Variants in TMOD2 observed in about 807,000 individuals in gnomAD.
TMOD2 encodes the protein tropomodulin-2.
In TMOD2, 22 loss-of-function variants were observed where a neutral mutation model predicts 39.9. The observed-to-expected ratio is 0.55, with a 90% CI of 0.39 to 0.79. The LOEUF (loss-of-function observed/expected upper bound fraction) is 0.79, where lower values mean the gene tolerates loss of function less well. TMOD2 is among the 30% of genes least tolerant of loss of function. TMOD2 has a pLI of 0.00. For missense variants in TMOD2, 386 were observed against 413.3 expected, an observed-to-expected ratio of 0.93 and a Z score of 0.57; for synonymous variants, 123 against 146.1, an observed-to-expected ratio of 0.84 and a Z score of 1.14.
chr15:51,775,491 T>C (rs910019005), intron 4 of TMOD2, among the ~76,000 whole-genome samples: 1 of 151,700 alleles, frequency 6.6e-6, no homozygotes, highest in African/African-American at 2.4e-5. Context: ...GTTTGTTGTA[T>C]GGCCTCAGTG....
chr15:51,769,663 A>G (rs1277927410), intron 3 of TMOD2, among the ~76,000 whole-genome samples: 1 of 152,230 alleles, frequency 6.6e-6, no homozygotes, highest in Non-Finnish European at 1.5e-5. Flanking sequence ...CCCCAGCTAT[A>G]GACAGTGACT....
At chr15:51,763,704 G>A (rs746401523) in intron 1 of TMOD2, among the ~76,000 whole-genome samples, 18 of 152,046 alleles carry the variant, frequency 1.2e-4, no homozygotes, top group Non-Finnish European at 2.5e-4. Flanking sequence ...GTTGTCCCTG[G>A]GATTTCCTTC....
rs1037265486 is a variant in TMOD2 at position 51,811,001 on chromosome 15, T to C, written c.*2547T>C. ...AAAATATAGCACTGTTTTTACCTTA[T>C]GAAATAGTTGGGTTGCATGCAACAG... is the stretch of plus-strand genomic sequence containing the variant. On this transcript the variant is annotated 3_prime_UTR_variant, in exon 10 of 10. Transcript: ENST00000249700. 1.3e-5 allele frequency: 2 copies of C among 152,224 alleles called. No individual in the cohort carries two copies. The highest frequency in any genetic ancestry group is 2.4e-5 in the African/African-American group (1 of 41,460). The allele number at this position is 152,224 out of a possible 1,614,324, so 9.4% of individuals were successfully genotyped here. A position where few individuals can be genotyped will look rare whatever the true frequency, so the allele number is the denominator to read the frequency against.
intron 7 of TMOD2, among the ~76,000 whole-genome samples, chr15:51,785,975 T>A (rs940513474): frequency 6.6e-6 from 1 of 152,178 alleles, no homozygotes; most frequent in African/African-American, 2.4e-5. Flanking sequence ...TAAACATTTT[T>A]AATTTATTTG....
At chr15:51,770,675 C>T (rs1045691022) in intron 3 of TMOD2, among the ~76,000 whole-genome samples, 3 of 152,110 alleles carry the variant, frequency 2.0e-5, no homozygotes, top group African/African-American at 7.2e-5. Context: ...TGCAATGGCT[C>T]ACACCTGTAA....
intron 1 of TMOD2, among the ~76,000 whole-genome samples, chr15:51,757,703 G>A (rs1368827671): frequency 2.6e-5 from 4 of 152,174 alleles, no homozygotes; most frequent in East Asian, 1.9e-4. Flanking sequence ...AACTTCCCAC[G>A]GCAGCATTGC....
At chr15:51,775,761 A>G (rs1470189066) in intron 4 of TMOD2, among the ~76,000 whole-genome samples, 1 of 151,688 alleles carries the variant, frequency 6.6e-6, no homozygotes, top group African/African-American at 2.4e-5. Context: ...TATTTTTTGT[A>G]GAGACGGGGC....
In TMOD2 at chr15:51,812,677, G is replaced by A. The variant is rs750647121; in HGVS notation, c.*4223G>A. 2.0e-5 allele frequency: 3 copies of A among 152,154 alleles called. No homozygotes were observed. The highest frequency in any genetic ancestry group is 6.5e-5 in the Admixed American group (1 of 15,286). 9.4% of individuals were successfully genotyped at this position (152,154 alleles called of 1,614,324 possible). On this transcript the variant is annotated 3_prime_UTR_variant, in exon 10 of 10. Transcript: ENST00000249700. The stretch of plus-strand genomic sequence containing the variant: ...GCATCAGCAAAAATGGGCAGAGGGC[G>A]GGAAGTTGAGAACACTAGGTTCTGT...
At chr15:51,794,230 C>A (rs1042517407) in intron 7 of TMOD2, among the ~76,000 whole-genome samples, 2 of 152,204 alleles carry the variant, frequency 1.3e-5, no homozygotes, top group African/African-American at 2.4e-5. Context: ...ACAAAGAATT[C>A]TTTGGCCCCA....
At chr15:51,802,682 C>G (rs912352734) in intron 8 of TMOD2, among the ~76,000 whole-genome samples, 1 of 152,196 alleles carries the variant, frequency 6.6e-6, no homozygotes. Flanking sequence ...TCCCTTGATA[C>G]GGTCCCACTC....
intron 7 of TMOD2, chr15:51,784,807 A>T (rs978013702): frequency 2.6e-5 from 4 of 152,210 alleles, no homozygotes; most frequent in African/African-American, 9.6e-5. Flanking sequence ...TATGTAAATG[A>T]ATAAAGGGAT....
In TMOD2 at chr15:51,806,835, C is replaced by G. The variant is rs117104243; in HGVS notation, c.1021+314C>G. Among the ~76,000 whole-genome samples the G allele has an allele frequency of 3.8e-4, 58 of 152,272 alleles. 3 individuals carry two copies. The East Asian group carries it at 0.011, about 29-fold the overall frequency. The stretch of plus-strand genomic sequence containing the variant: ...AATCTCCTTCTGTTTTTATCTGCAC[C>G]AGAAAATGGGCACAAGGACACTGAG... On this transcript the variant is annotated intron_variant, in intron 9 of 9. Transcript: ENST00000249700.
chr15:51,768,860 C>T (rs578177079), intron 3 of TMOD2, among the ~76,000 whole-genome samples: 6 of 149,934 alleles, frequency 4.0e-5, no homozygotes, highest in East Asian at 4.0e-4. Flanking sequence ...GGAACTGTCC[C>T]GGAAATGGGA....
chr15:51,758,677 TAATA>T (rs1467084028), intron 1 of TMOD2, among the ~76,000 whole-genome samples: 3 of 152,152 alleles, frequency 2.0e-5, no homozygotes, highest in Non-Finnish European at 4.4e-5. Flanking sequence ...CAAGTAGTTG[TAATA>T]AAGCCAAGAA....
intron 4 of TMOD2, among the ~76,000 whole-genome samples, chr15:51,774,121 C>T (rs1226492073): frequency 6.6e-6 from 1 of 152,144 alleles, no homozygotes; most frequent in Non-Finnish European, 1.5e-5. Flanking sequence ...GAGAATAAAA[C>T]AACAGCTCTT....
In TMOD2 at chr15:51,808,634, G is replaced by A. The variant is rs2056136618; in HGVS notation, c.*180G>A. 2.3e-6 allele frequency: 1 copy of A among 443,070 alleles called. No homozygotes were observed. Among genetic ancestry groups the A allele is most frequent in the Admixed American group, 4.3e-5 (1 of 23,482 alleles). The allele number at this position is 443,070 out of a possible 1,614,324, so 27.4% of individuals were successfully genotyped here. A position where few individuals can be genotyped will look rare whatever the true frequency, so the allele number is the denominator to read the frequency against. On this transcript the variant is annotated 3_prime_UTR_variant, in exon 10 of 10. Transcript: ENST00000249700. ...ATTTATCTTGGATTTTGTAATATAT[G>A]CAATTGTTTTATTTGCTCATGGGCA...
chr15:51,780,700 C>T (rs1340782911), intron 5 of TMOD2, among the ~76,000 whole-genome samples: 1 of 152,144 alleles, frequency 6.6e-6, no homozygotes, highest in Non-Finnish European at 1.5e-5. Context: ...TATCTCAGAT[C>T]CTGTAGTCTA....
chr15:51,768,570 G>A, intron 3 of TMOD2, 152 bp downstream of exon 3: 1 of 850,468 alleles, frequency 1.2e-6, no homozygotes, highest in Non-Finnish European at 1.8e-6. Context: ...ATAAGCCCAT[G>A]AATTGGATTC....
Position 51,808,417 on chromosome 15 carries a change from T to G in TMOD2, c.1022-3T>G, listed in dbSNP as rs775111938. On this transcript the variant is annotated splice_polypyrimidine_tract_variant and splice_region_variant and intron_variant, in intron 9 of 9. Coordinates refer to ENST00000249700, the MANE Select transcript of TMOD2 (RefSeq NM_014548.4). ...TCTTTTTGTTCCTTTCTTTCTTACC[T>G]AGTTCGTAAGAAGAGAGTTGAAGCA... is the stretch of plus-strand genomic sequence containing the variant. 22 of 1,611,182 alleles carry G rather than the reference T, an allele frequency of 1.4e-5. No homozygotes were observed. The highest frequency in any genetic ancestry group is 1.2e-4 in the Admixed American group (7 of 59,610).
Sources: gnomAD v4.1 joint callset for allele counts (sites outside exome capture counted in the v4.1 genomes callset) on GRCh38, gnomAD v4.1.1 for gene constraint, MANE v1.5 for transcripts, NCBI Gene and HGNC (gene_info 2026-07-23, HGNC 2026-07-21) for gene names.